The following WNK3 variants were observed in gnomAD, a reference collection of about 807,000 sequenced individuals.
WNK3 encodes the protein WNK lysine deficient protein kinase 3, also known as serine/threonine-protein kinase WNK3.
In WNK3, 18 loss-of-function variants were observed where a neutral mutation model predicts 116.7. The ratio of observed to expected loss-of-function variants is 0.15; its 90% CI spans 0.11 to 0.23. The LOEUF is 0.23. Among genes scored for constraint, WNK3 ranks in the 10% least tolerant of loss-of-function variants. WNK3 has a pLI of 1.00. For synonymous variants in WNK3, 404 were observed against 469.4 expected (o/e 0.86, Z 1.80); for missense variants, 993 against 1,323.8 (o/e 0.75, Z 3.88).
At chrX:54,355,513 A>G (rs1303840047) in intron 1 of WNK3, among the ~76,000 whole-genome samples, 2 of 110,968 alleles carry the variant, frequency 1.8e-5, no homozygotes, top group Non-Finnish European at 3.8e-5. Context: ...AGAAAGGGAA[A>G]CCAGGAAAGG....
intron 21 of WNK3, 146 bp from the exon 22 acceptor site, chrX:54,228,889 AAGAC>A (rs2067871232): frequency 2.8e-5 from 10 of 355,361 alleles, no homozygotes; most frequent in Non-Finnish European, 4.6e-5. Flanking sequence ...TTTATGGCAA[AAGAC>A]AGAAGGCTTT....
intron 5 of WNK3, among the ~76,000 whole-genome samples, chrX:54,302,751 ATATATATT>A (rs2068776978): frequency 2.4e-5 from 1 of 42,493 alleles, no homozygotes; most frequent in African/African-American, 8.0e-5. Context: ...ATATATATAT[ATATATATT>A]TTTTTTTTTT....
intron 21 of WNK3, 178 bp downstream of exon 21, chrX:54,232,631 C>T: frequency 2.3e-6 from 1 of 427,238 alleles, no homozygotes; most frequent in Non-Finnish European, 3.9e-6. Context: ...TATCAATTAT[C>T]CTAATCATTA....
intron 2 of WNK3, among the ~76,000 whole-genome samples, chrX:54,329,254 G>A (rs986472512): frequency 4.5e-5 from 5 of 111,809 alleles, no homozygotes; most frequent in African/African-American, 1.6e-4. Flanking sequence ...CAAGCTCCCA[G>A]GTGATGTCCA....
intron 13 of WNK3, 62 bp from the exon 14 acceptor site, chrX:54,251,749 A>G: frequency 7.5e-6 from 8 of 1,063,930 alleles, no homozygotes; most frequent in Non-Finnish European, 1.0e-5. Context: ...ATAATATTAT[A>G]TAAATAGTGA....
upstream of WNK3, chrX:54,358,622 C>G (rs1260137422): frequency 2.7e-5 from 3 of 112,814 alleles, no homozygotes; most frequent in African/African-American, 9.6e-5. Context: ...GCAACAGCCA[C>G]GGCATGTCTC....
chrX:54,283,585 T>G (rs1297198146), intron 10 of WNK3, among the ~76,000 whole-genome samples: 2 of 109,148 alleles, frequency 1.8e-5, no homozygotes, highest in African/African-American at 6.6e-5. Context: ...CTGGCTAAGA[T>G]GGTGAAATCC....
Position 54,353,184 on chromosome X carries a change from C to T in WNK3, c.-120+4502G>A, listed in dbSNP as rs1286796623. Among the ~76,000 whole-genome samples the T allele has an allele frequency of 1.8e-5, 2 of 111,658 alleles. 1 individual carries two copies. Among genetic ancestry groups the T allele is most frequent in the South Asian group, 7.4e-4 (2 of 2,685 alleles). On this transcript the variant is annotated intron_variant, in intron 1 of 23. Coordinates refer to ENST00000354646, the Ensembl canonical transcript of WNK3. Reference sequence around the variant, plus strand: ...TTAAAATGGTTAAAATGGGGCCAGGCGCAGTGGCTCATACTTGTAATCCCA... The same window carrying T: ...TTAAAATGGTTAAAATGGGGCCAGGTGCAGTGGCTCATACTTGTAATCCCA...
chrX:54,272,785 T>C (rs1413844132), intron 10 of WNK3, among the ~76,000 whole-genome samples: 2 of 112,080 alleles, frequency 1.8e-5, no homozygotes, highest in Non-Finnish European at 3.8e-5. Flanking sequence ...AGTAACTATA[T>C]GGGTCTAAAA....
chrX:54,276,038 TA>T (rs1189003447), intron 10 of WNK3, among the ~76,000 whole-genome samples: 108 of 108,761 alleles, frequency 9.9e-4, no homozygotes, highest in African/African-American at 3.1e-3. Flanking sequence ...AAAACAGAAG[TA>T]AAAAAAAATG....
chrX:54,265,849 G>A (rs1248134948), intron 10 of WNK3, among the ~76,000 whole-genome samples: 2 of 112,466 alleles, frequency 1.8e-5, no homozygotes, highest in African/African-American at 6.5e-5. Flanking sequence ...TTCGAGACCT[G>A]CCTGGCCAAC....
intron 22 of WNK3, among the ~76,000 whole-genome samples, chrX:54,212,889 T>A (rs1569535295): frequency 9.0e-6 from 1 of 111,682 alleles, no homozygotes; most frequent in Non-Finnish European, 1.9e-5. Flanking sequence ...TAGGGATATG[T>A]GTGTGTATAT....
At chrX:54,268,603 G>C (rs2068343983) in intron 10 of WNK3, among the ~76,000 whole-genome samples, 1 of 111,662 alleles carries the variant, frequency 9.0e-6, no homozygotes, top group African/African-American at 3.3e-5. Context: ...AATGAGCCTG[G>C]AATATCTGTC....
At chrX:54,264,330 CA>C (rs1315887172) in intron 10 of WNK3, among the ~76,000 whole-genome samples, 43 of 98,428 alleles carry the variant, frequency 4.4e-4, no homozygotes, top group East Asian at 2.9e-3. Context: ...GAGACTGTCT[CA>C]AAAAAAAAAA....
At chrX:54,222,029 T>C (rs965590185) in intron 22 of WNK3, among the ~76,000 whole-genome samples, 13 of 109,952 alleles carry the variant, frequency 1.2e-4, no homozygotes, top group Admixed American at 9.7e-5. Context: ...TGATGGCAGG[T>C]ACATGTAATC....
chrX:54,215,244 C>T (rs1442932535), intron 22 of WNK3, among the ~76,000 whole-genome samples: 1 of 111,238 alleles, frequency 9.0e-6, no homozygotes, highest in African/African-American at 3.3e-5. Flanking sequence ...ATGCCCAGCC[C>T]AGGCTGGACT....
At chrX:54,338,451 G>A (rs2069272777) in intron 1 of WNK3, among the ~76,000 whole-genome samples, 1 of 109,091 alleles carries the variant, frequency 9.2e-6, no homozygotes, top group Non-Finnish European at 1.9e-5. Context: ...GCCAGGCATG[G>A]TGGCATGCAC....
chrX:54,238,207 G>T, intron 19 of WNK3, 135 bp downstream of exon 19: 1 of 764,810 alleles, frequency 1.3e-6, no homozygotes, highest in Non-Finnish European at 1.8e-6. Flanking sequence ...CACTCCAACT[G>T]GGCAACAAGA....
chrX:54,333,049 C>A, intron 2 of WNK3, 88 bp downstream of exon 2: 1 of 648,718 alleles, frequency 1.5e-6, no homozygotes, highest in Non-Finnish European at 2.3e-6. Flanking sequence ...TTATTTTAAT[C>A]CATGATACAT....
Sources: gnomAD v4.1 joint callset for allele counts (sites outside exome capture counted in the v4.1 genomes callset) on GRCh38, gnomAD v4.1.1 for gene constraint, MANE v1.5 for transcripts, NCBI Gene and HGNC (gene_info 2026-07-23, HGNC 2026-07-21) for gene names.